Variants in ST18 observed in about 807,000 individuals in gnomAD.
ST18 encodes ST18 C2H2C-type zinc finger transcription factor, also known as suppression of tumorigenicity 18 protein.
Under a neutral mutation model 110.0 loss-of-function variants are expected in ST18, and 50 were observed. The observed-to-expected ratio is 0.45, with a 90% CI of 0.36 to 0.58. The LOEUF is 0.58. Among genes scored for constraint, ST18 ranks in the 20% least tolerant of loss-of-function variants. ST18 has a pLI of 0.00. For synonymous variants in ST18, 461 were observed against 452.4 expected, an observed-to-expected ratio of 1.02 and a Z score of -0.24; for missense variants, 1,306 against 1,280.1, an observed-to-expected ratio of 1.02 and a Z score of -0.31.
In ST18 at chr8:52,409,616, A is replaced by G. The variant is rs906177687; in HGVS notation, c.-658T>C. On this transcript the variant is annotated 5_prime_UTR_variant, in exon 1 of 26. Coordinates refer to ENST00000689386, the MANE Select transcript of ST18 (RefSeq NM_001352837.2). ...CCAGCTTCTCTCTTCATGTGGCCTT[A>G]TTAAAAGCCATGGTTTCCGAGATGT... The G allele has an allele frequency of 6.6e-6, 1 of 152,202 alleles. No homozygotes were observed. Among genetic ancestry groups the G allele is most frequent in the African/African-American group, 2.4e-5 (1 of 41,454 alleles). The allele number at this position is 152,202 out of a possible 1,614,324, so 9.4% of individuals were successfully genotyped here.
chr8:52,228,078 G>T (rs2090101062), intron 3 of ST18, among the ~76,000 whole-genome samples: 1 of 152,158 alleles, frequency 6.6e-6, no homozygotes, highest in African/African-American at 2.4e-5. Flanking sequence ...GATTTTGTCT[G>T]TTTGATTGCT....
intron 3 of ST18, among the ~76,000 whole-genome samples, chr8:52,229,260 A>T (rs2090570327): frequency 6.6e-6 from 1 of 152,232 alleles, no homozygotes; most frequent in Non-Finnish European, 1.5e-5. Context: ...TGGCTTAAAA[A>T]GGCACAAAGG....
At chr8:52,227,360 T>C (rs761840333) in intron 3 of ST18, among the ~76,000 whole-genome samples, 3 of 152,092 alleles carry the variant, frequency 2.0e-5, no homozygotes, top group Non-Finnish European at 4.4e-5. Flanking sequence ...TACAATATTA[T>C]GTGGAAGGTA....
chr8:52,150,127 T>TTCAA (rs2058438550), intron 15 of ST18, 150 bp from the exon 16 acceptor site: 12 of 1,144,360 alleles, frequency 1.0e-5, no homozygotes, highest in Non-Finnish European at 1.3e-5. Flanking sequence ...TTGGGTAATG[T>TTCAA]TCAATTCTTA....
intron 15 of ST18, among the ~76,000 whole-genome samples, chr8:52,151,750 A>G (rs2058863983): frequency 6.6e-6 from 1 of 152,194 alleles, no homozygotes; most frequent in Non-Finnish European, 1.5e-5. Flanking sequence ...GTAAAATGCT[A>G]AATATTGTAG....
intron 2 of ST18, among the ~76,000 whole-genome samples, chr8:52,334,019 G>A (rs1016700843): frequency 3.9e-5 from 6 of 152,214 alleles, no homozygotes; most frequent in Non-Finnish European, 7.3e-5. Context: ...GATATCGCAG[G>A]AGAGGCCCTT....
intron 8 of ST18, chr8:52,199,704 A>T (rs747288776): frequency 2.0e-5 from 3 of 152,138 alleles, no homozygotes; most frequent in Non-Finnish European, 2.9e-5. Context: ...TAATGGAGAG[A>T]ACTATGCTTC....
intron 15 of ST18, chr8:52,154,863 A>G (rs1206772204): frequency 1.3e-5 from 2 of 151,162 alleles, no homozygotes; most frequent in Non-Finnish European, 2.9e-5. Context: ...CCTAGGTGAC[A>G]GAGCAGATCC....
intron 2 of ST18, among the ~76,000 whole-genome samples, chr8:52,238,660 A>C (rs6473696): frequency 0.081 from 12,317 of 152,096 alleles, 1,066 homozygotes; most frequent in African/African-American, 0.21. Flanking sequence ...CATATATACA[A>C]CATGGAATAC....
intron 16 of ST18, among the ~76,000 whole-genome samples, chr8:52,144,720 A>G (rs550185385): frequency 2.0e-5 from 3 of 152,300 alleles, no homozygotes; most frequent in African/African-American, 7.2e-5. Context: ...ATTTTAAAAT[A>G]AAGAGAAATG....
intron 10 of ST18, among the ~76,000 whole-genome samples, chr8:52,168,480 T>G (rs2063735568): frequency 1.3e-5 from 2 of 151,954 alleles, no homozygotes; most frequent in South Asian, 2.1e-4. Flanking sequence ...TGATAAACAG[T>G]CCTAGGCAGA....
At chr8:52,240,736 C>T (rs914190812) in intron 2 of ST18, among the ~76,000 whole-genome samples, 2 of 152,158 alleles carry the variant, frequency 1.3e-5, no homozygotes, top group Non-Finnish European at 2.9e-5. Flanking sequence ...TTTCACTACA[C>T]AACTCATGGC....
At chr8:52,211,675 A>C (rs1325302447) in intron 8 of ST18, among the ~76,000 whole-genome samples, 2 of 151,994 alleles carry the variant, frequency 1.3e-5, no homozygotes, top group Admixed American at 6.6e-5. Context: ...GAATCATCTA[A>C]TTATTTAATG....
intron 2 of ST18, among the ~76,000 whole-genome samples, chr8:52,346,141 GA>G (rs1817652118): frequency 6.6e-6 from 1 of 151,124 alleles, no homozygotes; most frequent in African/African-American, 2.4e-5. Flanking sequence ...CACACAATGA[GA>G]AAAAGGCCAT....
chr8:52,181,830 G>A (rs540691645), intron 8 of ST18, among the ~76,000 whole-genome samples: 3 of 152,178 alleles, frequency 2.0e-5, no homozygotes, highest in South Asian at 4.2e-4. Flanking sequence ...ACAAAGAAGC[G>A]GAAACACCTT....
intron 4 of ST18, among the ~76,000 whole-genome samples, chr8:52,221,085 CTCTATCTA>C (rs58429982): frequency 0.37 from 55,400 of 148,126 alleles, 10,343 homozygotes; most frequent in Admixed American, 0.4. Flanking sequence ...AACTACCTAT[CTCTATCTA>C]TCTATCTATC....
intron 2 of ST18, among the ~76,000 whole-genome samples, chr8:52,291,458 G>A (rs1490051943): frequency 6.6e-6 from 1 of 152,222 alleles, no homozygotes; most frequent in Non-Finnish European, 1.5e-5. Flanking sequence ...GTTTGACATT[G>A]TTGGGAATTG....
At chr8:52,285,188 A>G (rs1318762509) in intron 2 of ST18, among the ~76,000 whole-genome samples, 1 of 152,222 alleles carries the variant, frequency 6.6e-6, no homozygotes. Context: ...TACCCATTAC[A>G]TGAGAAAAAT....
chr8:52,146,847 A>G (rs1182605948), intron 16 of ST18, among the ~76,000 whole-genome samples: 1 of 152,242 alleles, frequency 6.6e-6, no homozygotes, highest in Non-Finnish European at 1.5e-5. Flanking sequence ...AGTTAGAGTG[A>G]TTCAGAAGTA....
Sources: gnomAD v4.1 joint callset for allele counts (sites outside exome capture counted in the v4.1 genomes callset) on GRCh38, gnomAD v4.1.1 for gene constraint, MANE v1.5 for transcripts, NCBI Gene and HGNC (gene_info 2026-07-23, HGNC 2026-07-21) for gene names.